Variants in MINDY2 observed in about 807,000 individuals in gnomAD.
MINDY2 encodes MINDY lysine 48 deubiquitinase 2, also known as ubiquitin carboxyl-terminal hydrolase MINDY-2.
MINDY2 carries 52 observed loss-of-function variants against 68.2 expected under a neutral mutation model. The ratio of observed to expected loss-of-function variants is 0.76; its 90% CI spans 0.61 to 0.96. The LOEUF (loss-of-function observed/expected upper bound fraction) is 0.96, where lower values mean the gene tolerates loss of function less well. Ranked by LOEUF, MINDY2 falls within the 40% of genes least tolerant of loss-of-function variation. The pLI, the probability that MINDY2 is intolerant of heterozygous loss-of-function variation, is 0.00. For synonymous variants in MINDY2, 372 were observed against 303.0 expected, an observed-to-expected ratio of 1.23 and a Z score of -2.36; for missense variants, 881 against 773.4, an observed-to-expected ratio of 1.14 and a Z score of -1.65.
At position 58,771,521 on chromosome 15, in the gene MINDY2, G is replaced by A; in HGVS notation, c.126G>A (p.Gly42=). ...GGCTCGCCGCTGGTGATGGTCCTGG[G>A]GTATGGGCGGCGGAGACCAGCGGCG... ...ETRLAAGDGP[G]VWAAETSGGN... is the part of the protein sequence containing the mutation. The change falls in exon 1 of 9, where the codon GGG becomes GGA. Residue 42 remains glycine, a synonymous_variant. Transcript: ENST00000559228. 1 of 1,612,130 alleles carries A rather than the reference G, an allele frequency of 6.2e-7. No homozygotes were observed. The highest frequency in any genetic ancestry group is 8.5e-7 in the Non-Finnish European group (1 of 1,179,704).
chr15:58,838,491 A>G (rs1567070823), intron 6 of MINDY2, among the ~76,000 whole-genome samples: 1 of 152,062 alleles, frequency 6.6e-6, no homozygotes, highest in Non-Finnish European at 1.5e-5. Context: ...CTAGGGGCTT[A>G]TAATAATAAA....
chr15:58,850,174 T>C (rs118075084), intron 7 of MINDY2, among the ~76,000 whole-genome samples: 33 of 152,314 alleles, frequency 2.2e-4, no homozygotes, highest in South Asian at 1.0e-3. Context: ...AAGTTAATGC[T>C]TGACCAAAAT....
At chr15:58,841,012 C>A (rs1172232669) in intron 6 of MINDY2, among the ~76,000 whole-genome samples, 2 of 137,596 alleles carry the variant, frequency 1.5e-5, no homozygotes, top group Non-Finnish European at 3.1e-5. Context: ...GAGACACTTT[C>A]ATTCTGTCAC....
At chr15:58,792,477 A>G (rs1902010309) in intron 2 of MINDY2, among the ~76,000 whole-genome samples, 1 of 152,292 alleles carries the variant, frequency 6.6e-6, no homozygotes, top group South Asian at 2.1e-4. Context: ...GTGGTGGCAC[A>G]TGCCTGTAAT....
chr15:58,782,751 C>T (rs1901226610), intron 1 of MINDY2, among the ~76,000 whole-genome samples: 3 of 152,038 alleles, frequency 2.0e-5, no homozygotes, highest in Non-Finnish European at 1.5e-5. Context: ...CTTCTCATCA[C>T]AGTACTTCTA....
intron 3 of MINDY2, among the ~76,000 whole-genome samples, chr15:58,807,591 C>T (rs1903118579): frequency 6.6e-6 from 1 of 152,080 alleles, no homozygotes; most frequent in Non-Finnish European, 1.5e-5. Flanking sequence ...TCTCGATCTC[C>T]TGACCTTGTG....
chr15:58,826,156 A>G (rs1235918082), intron 5 of MINDY2, among the ~76,000 whole-genome samples: 2 of 149,130 alleles, frequency 1.3e-5, no homozygotes, highest in African/African-American at 2.5e-5. Flanking sequence ...GAACATTTAT[A>G]TGCTCTTTAT....
chr15:58,799,205 C>T (rs1172534084), intron 2 of MINDY2, among the ~76,000 whole-genome samples: 1 of 152,168 alleles, frequency 6.6e-6, no homozygotes, highest in Admixed American at 6.5e-5. Flanking sequence ...GTTCAATTTT[C>T]TAAGCTATTT....
At chr15:58,813,019 A>G (rs1354174016) in intron 4 of MINDY2, among the ~76,000 whole-genome samples, 1 of 152,034 alleles carries the variant, frequency 6.6e-6, no homozygotes, top group Non-Finnish European at 1.5e-5. Context: ...CCATTTCTAT[A>G]ATTTTGTTAT....
intron 1 of MINDY2, among the ~76,000 whole-genome samples, chr15:58,784,375 A>T (rs1901344504): frequency 6.6e-6 from 1 of 152,112 alleles, no homozygotes; most frequent in African/African-American, 2.4e-5. Flanking sequence ...ATTCAGTAAT[A>T]TTTATAGGGT....
chr15:58,774,619 A>G (rs1420944635), intron 1 of MINDY2, among the ~76,000 whole-genome samples: 1 of 152,150 alleles, frequency 6.6e-6, no homozygotes, highest in Non-Finnish European at 1.5e-5. Context: ...AAGCTCTAAT[A>G]TGCTATGGAA....
intron 6 of MINDY2, among the ~76,000 whole-genome samples, chr15:58,833,900 G>A (rs1457800654): frequency 6.6e-6 from 1 of 151,982 alleles, no homozygotes; most frequent in African/African-American, 2.4e-5. Flanking sequence ...GCTGCCGGAC[G>A]GTCAGGTCTT....
chr15:58,788,134 A>G (rs1567042135), intron 2 of MINDY2, among the ~76,000 whole-genome samples, 171 bp downstream of exon 2: 1 of 152,222 alleles, frequency 6.6e-6, no homozygotes, highest in Admixed American at 6.5e-5. Flanking sequence ...CTTAGATGGT[A>G]TAGTCTTCTT....
intron 3 of MINDY2, among the ~76,000 whole-genome samples, chr15:58,805,288 G>A (rs1329555233): frequency 6.6e-6 from 1 of 152,198 alleles, no homozygotes; most frequent in Admixed American, 6.5e-5. Flanking sequence ...CCACAAGTGT[G>A]ATGTAATAGT....
intron 1 of MINDY2, among the ~76,000 whole-genome samples, chr15:58,787,086 T>G (rs1293902484): frequency 2.6e-5 from 4 of 151,686 alleles, no homozygotes; most frequent in African/African-American, 9.7e-5. Flanking sequence ...TGCGTTGGCC[T>G]TCCAAAGTGC....
At chr15:58,829,728 C>T (rs1191554557) in intron 5 of MINDY2, among the ~76,000 whole-genome samples, 1 of 152,162 alleles carries the variant, frequency 6.6e-6, no homozygotes, top group African/African-American at 2.4e-5. Flanking sequence ...TGCAAGTATT[C>T]AATGAATTTC....
intron 5 of MINDY2, among the ~76,000 whole-genome samples, chr15:58,823,806 T>G (rs1468263467): frequency 1.3e-5 from 2 of 152,230 alleles, no homozygotes; most frequent in Non-Finnish European, 2.9e-5. Flanking sequence ...ATTACAAAAG[T>G]ATATTCTCTC....
intron 4 of MINDY2, among the ~76,000 whole-genome samples, chr15:58,816,687 C>G (rs1410312286): frequency 6.6e-6 from 1 of 152,154 alleles, no homozygotes; most frequent in African/African-American, 2.4e-5. Context: ...TGGGGAAAGG[C>G]AATCCTTTAA....
At position 58,859,753 on chromosome 15, in the gene MINDY2, G is replaced by A. The variant is rs2033164120; in HGVS notation, c.*5143G>A. 6.6e-6 allele frequency: 1 copy of A among 151,988 alleles called. No individual in the cohort carries two copies. Among genetic ancestry groups the A allele is most frequent in the Non-Finnish European group, 1.5e-5 (1 of 68,006 alleles). 9.4% of individuals were successfully genotyped at this position (151,988 alleles called of 1,614,324 possible). ...TTCATGCATGTTCTTACTTAATCCT[G>A]GTGTTTTTGCTCTTAGATGTTAGAG... is the stretch of plus-strand genomic sequence containing the variant. On this transcript the variant is annotated 3_prime_UTR_variant, in exon 9 of 9. Coordinates refer to ENST00000559228, the MANE Select transcript of MINDY2 (RefSeq NM_001040450.3).
Sources: gnomAD v4.1 joint callset for allele counts (sites outside exome capture counted in the v4.1 genomes callset) on GRCh38, gnomAD v4.1.1 for gene constraint, MANE v1.5 for transcripts, NCBI Gene and HGNC (gene_info 2026-07-23, HGNC 2026-07-21) for gene names.